The following APOOL variants were observed in gnomAD, a reference collection of about 807,000 sequenced individuals.
The protein encoded by APOOL is MICOS complex subunit MIC27.
A neutral mutation model predicts 23.1 loss-of-function variants in APOOL; 12 were observed. The ratio of observed to expected loss-of-function variants is 0.52; its 90% CI spans 0.33 to 0.84. The LOEUF (loss-of-function observed/expected upper bound fraction) is 0.84, where lower values mean the gene tolerates loss of function less well. Among genes scored for constraint, APOOL ranks in the 40% least tolerant of loss-of-function variants. The pLI is 0.02. For missense variants in APOOL, 212 were observed against 199.6 expected (o/e 1.06, Z -0.37); for synonymous variants, 77 against 69.9 (o/e 1.10, Z -0.51).
At chrX:85,020,349 C>T (rs144908652) in intron 1 of APOOL, among the ~76,000 whole-genome samples, 47 of 111,726 alleles carry the variant, frequency 4.2e-4, no homozygotes, top group African/African-American at 1.5e-3. Flanking sequence ...GTCAGTTTTA[C>T]ATTGCCTATG....
chrX:85,080,595 T>G (rs1296723170), intron 8 of APOOL: 1 of 111,841 alleles, frequency 8.9e-6, no homozygotes, highest in Non-Finnish European at 1.9e-5. Context: ...GTTCTGTAGA[T>G]GTCTATTAGA....
intron 5 of APOOL, 80 bp downstream of exon 5, chrX:85,056,005 T>G (rs1013850629): frequency 1.4e-6 from 1 of 693,719 alleles, no homozygotes; most frequent in Non-Finnish European, 2.1e-6. Flanking sequence ...AAACCTCATA[T>G]GCTTTATTGA....
At chrX:85,083,576 G>A (rs781166005) in intron 8 of APOOL, among the ~76,000 whole-genome samples, 3 of 111,504 alleles carry the variant, frequency 2.7e-5, no homozygotes, top group Non-Finnish European at 5.6e-5. Flanking sequence ...GAGAAAAAAG[G>A]AATGGAAAAG....
chrX:85,048,456 T>C (rs768441375), intron 2 of APOOL, among the ~76,000 whole-genome samples: 63 of 111,650 alleles, frequency 5.6e-4, no homozygotes, highest in Non-Finnish European at 9.8e-4. Context: ...GAATATGCAG[T>C]ATTCCTTGGT....
intron 1 of APOOL, among the ~76,000 whole-genome samples, chrX:85,044,717 A>G (rs955931751): frequency 8.9e-6 from 1 of 111,765 alleles, no homozygotes; most frequent in Non-Finnish European, 1.9e-5. Flanking sequence ...TACTTAGGCA[A>G]TTTTCAAGGT....
chrX:85,030,126 A>G (rs925196528), intron 1 of APOOL, among the ~76,000 whole-genome samples: 1 of 112,090 alleles, frequency 8.9e-6, no homozygotes, highest in Non-Finnish European at 1.9e-5. Flanking sequence ...CAACCAATGA[A>G]TAGATCAAGA....
intron 2 of APOOL, among the ~76,000 whole-genome samples, chrX:85,049,154 C>T (rs1485117314): frequency 1.8e-5 from 2 of 111,653 alleles, no homozygotes; most frequent in African/African-American, 6.5e-5. Context: ...ATAGCTTACT[C>T]AATGTAATCA....
intron 1 of APOOL, among the ~76,000 whole-genome samples, chrX:85,024,924 A>G (rs1390490020): frequency 8.9e-6 from 1 of 112,444 alleles, no homozygotes; most frequent in African/African-American, 3.2e-5. Flanking sequence ...CTGAATGGGT[A>G]TGGGTACAGA....
intron 5 of APOOL, among the ~76,000 whole-genome samples, chrX:85,060,846 T>G (rs1272137954): frequency 9.0e-6 from 1 of 111,567 alleles, no homozygotes; most frequent in African/African-American, 3.3e-5. Context: ...TTTGACTTCC[T>G]CTTTTCCTAA....
At chrX:85,062,479 T>C (rs185976694) in intron 5 of APOOL, among the ~76,000 whole-genome samples, 34 of 112,108 alleles carry the variant, frequency 3.0e-4, no homozygotes, top group Admixed American at 2.8e-3. Context: ...TATATTTTCT[T>C]CTAGGGTTTT....
chrX:85,040,025 G>T (rs755238947), intron 1 of APOOL, among the ~76,000 whole-genome samples: 2 of 111,638 alleles, frequency 1.8e-5, no homozygotes, highest in South Asian at 7.5e-4. Context: ...GGATTTTTGT[G>T]GTGCCACTGA....
chrX:85,004,033 G>A (rs1466520710), intron 1 of APOOL, 106 bp downstream of exon 1: 1 of 992,638 alleles, frequency 1.0e-6, no homozygotes. Flanking sequence ...CAAGGGGCAG[G>A]GTGGAGGTGG....
intron 3 of APOOL, among the ~76,000 whole-genome samples, chrX:85,052,177 T>G (rs1922804571): frequency 8.9e-6 from 1 of 112,372 alleles, no homozygotes; most frequent in African/African-American, 3.2e-5. Flanking sequence ...TGTCACTCAC[T>G]TTTTATGTGA....
chrX:85,037,969 TAAAC>T (rs1357075288), intron 1 of APOOL, among the ~76,000 whole-genome samples: 2 of 111,207 alleles, frequency 1.8e-5, no homozygotes, highest in African/African-American at 6.5e-5. Flanking sequence ...AAAACAAAAA[TAAAC>T]AAATGGCACC....
intron 8 of APOOL, among the ~76,000 whole-genome samples, chrX:85,075,578 GT>G (rs1923810081): frequency 9.0e-6 from 1 of 111,613 alleles, no homozygotes; most frequent in Non-Finnish European, 1.9e-5. Context: ...GAGCTATACA[GT>G]TTTTAGACTC....
intron 1 of APOOL, among the ~76,000 whole-genome samples, chrX:85,016,529 G>A (rs1921477632): frequency 9.0e-6 from 1 of 110,958 alleles, no homozygotes; most frequent in African/African-American, 3.3e-5. Context: ...TGCCTCTCAT[G>A]CTGGCCTGAA....
chrX:85,053,529 A>G (rs1052479132), intron 3 of APOOL, among the ~76,000 whole-genome samples: 2 of 111,508 alleles, frequency 1.8e-5, no homozygotes, highest in Admixed American at 9.6e-5. Flanking sequence ...TCTTGTTTTT[A>G]TCCCATGGTT....
intron 3 of APOOL, among the ~76,000 whole-genome samples, chrX:85,053,481 A>G (rs1922849890): frequency 9.0e-6 from 1 of 111,633 alleles, no homozygotes; most frequent in Non-Finnish European, 1.9e-5. Context: ...GTCCAATATA[A>G]TAATATCTGT....
chrX:85,030,110 G>T (rs1170875661), intron 1 of APOOL, among the ~76,000 whole-genome samples: 1 of 111,809 alleles, frequency 8.9e-6, no homozygotes, highest in Non-Finnish European at 1.9e-5. Context: ...CAACCTAAAT[G>T]CCCATCAACC....
Sources: allele counts gnomAD v4.1 joint callset (sites outside exome capture counted in the v4.1 genomes callset), GRCh38; gene constraint gnomAD v4.1.1; transcripts MANE v1.5; gene names NCBI Gene and HGNC (gene_info 2026-07-23, HGNC 2026-07-21).